Variants in BAZ2B observed in about 807,000 individuals in gnomAD.
The protein encoded by BAZ2B is bromodomain adjacent to zinc finger domain protein 2B.
In BAZ2B, 91 loss-of-function variants were observed where a neutral mutation model predicts 246.0. That is an observed-to-expected ratio of 0.37 (90% CI 0.31 to 0.44). The LOEUF (loss-of-function observed/expected upper bound fraction) is 0.44. Ranked by LOEUF, BAZ2B falls within the 20% of genes least tolerant of loss-of-function variation. BAZ2B has a pLI of 1.00. For missense variants in BAZ2B, 2,332 were observed against 2,533.7 expected, an observed-to-expected ratio of 0.92 and a Z score of 1.71; for synonymous variants, 855 against 860.0, an observed-to-expected ratio of 0.99 and a Z score of 0.10.
At chr2:159,395,950 T>C in intron 19 of BAZ2B, 116 bp from the exon 20 acceptor site, 1 of 838,906 alleles carries the variant, frequency 1.2e-6, no homozygotes, top group Non-Finnish European at 1.8e-6. Context: ...GTTTAGCATT[T>C]ATAGACAAGT....
chr2:159,547,227 T>G (rs2087486198), intron 2 of BAZ2B, among the ~76,000 whole-genome samples: 1 of 152,168 alleles, frequency 6.6e-6, no homozygotes, highest in South Asian at 2.1e-4. Context: ...CTATCTTACA[T>G]TCTGATGCAA....
chr2:159,586,873 T>G (rs1213075039), intron 1 of BAZ2B, among the ~76,000 whole-genome samples: 1 of 152,156 alleles, frequency 6.6e-6, no homozygotes. Context: ...CACTTACAGT[T>G]TGATCTTACA....
intron 1 of BAZ2B, among the ~76,000 whole-genome samples, chr2:159,604,822 AAAT>A (rs1485598176): frequency 6.6e-6 from 1 of 152,238 alleles, no homozygotes; most frequent in African/African-American, 2.4e-5. Flanking sequence ...AAATGTCAAA[AAAT>A]TAAAAATATG....
chr2:159,549,817 T>C (rs536521884), intron 2 of BAZ2B, among the ~76,000 whole-genome samples: 26 of 68,632 alleles, frequency 3.8e-4, no homozygotes, highest in African/African-American at 2.0e-3. Context: ...CATAAACTTT[T>C]TTCTTTCTTT....
intron 1 of BAZ2B, among the ~76,000 whole-genome samples, chr2:159,593,368 G>A (rs1025366193): frequency 2.0e-5 from 3 of 152,058 alleles, no homozygotes; most frequent in African/African-American, 7.2e-5. Flanking sequence ...AAAAATTATG[G>A]AAGACTTTAA....
chr2:159,656,482 T>G, the BAZ2B span, among the ~76,000 whole-genome samples: 1 of 152,174 alleles, frequency 6.6e-6, no homozygotes, highest in African/African-American at 2.4e-5. Flanking sequence ...TACACCCATT[T>G]ATCCCTCTCT....
chr2:159,426,063 G>GT (rs1269934393), intron 13 of BAZ2B, among the ~76,000 whole-genome samples: 1 of 152,108 alleles, frequency 6.6e-6, no homozygotes, highest in African/African-American at 2.4e-5. Flanking sequence ...AATTACGAAT[G>GT]TTTTCCCCTA....
rs1558959778 is a variant in BAZ2B, at chr2:159,328,069, C to CAAAA, written c.5944-2152_5944-2151insTTTT. Among the ~76,000 whole-genome samples the CAAAA allele has an allele frequency of 3.9e-4, 44 of 111,536 alleles. 2 individuals carry two copies. Among genetic ancestry groups the CAAAA allele is most frequent in the East Asian group, 5.1e-4 (2 of 3,894 alleles). The allele number at this position is 111,536 out of a possible 152,430, so 73.2% of individuals were successfully genotyped here. A position where few individuals can be genotyped will look rare whatever the true frequency, so the allele number is the denominator to read the frequency against. On this transcript the variant is annotated intron_variant, in intron 34 of 36. Coordinates refer to ENST00000392783, the MANE Select transcript of BAZ2B (RefSeq NM_013450.4). ...GATGGAATGAGACTCAGCCTCAAAACGAAAAAAAAAAAAAAAAAAAAAGAA... is the reference window on the plus strand; with the variant it reads ...GATGGAATGAGACTCAGCCTCAAAACAAAAGAAAAAAAAAAAAAAAAAAAAAGAA...
chr2:159,676,592 AC>A, the BAZ2B span, among the ~76,000 whole-genome samples: 1 of 149,562 alleles, frequency 6.7e-6, no homozygotes. Flanking sequence ...AGGTGAGAGG[AC>A]TGCCTGAGCC....
chr2:159,667,095 T>A, the BAZ2B span, among the ~76,000 whole-genome samples: 7 of 146,014 alleles, frequency 4.8e-5, no homozygotes, highest in South Asian at 2.1e-4. Context: ...TAAAGTATAA[T>A]AAAAAAAAAG....
rs746177520 is a variant in BAZ2B at position 159,438,573 on chromosome 2, T to A, written c.1023A>T (p.Gln341His). Residue 341 changes from glutamine (Q) to histidine (H), a missense_variant, in exon 8 of 37, where the codon CAA (glutamine) becomes CAT (histidine). This residue lies in a region of BAZ2B where 161 missense variants were observed against 225.8 expected (regional missense o/e 0.71). Transcript: ENST00000392783. ...LASESQTHSF[Q>H]SQQKQPQVLS... is the part of the protein sequence containing the mutation. Reference sequence around the variant, plus strand: ...AAACCTGAGGCTGCTTCTGCTGGGATTGGAATGAGTGAGTCTGGGATTCAG... The same window carrying A: ...AAACCTGAGGCTGCTTCTGCTGGGAATGGAATGAGTGAGTCTGGGATTCAG... 1 of 1,614,146 alleles carries A rather than the reference T, an allele frequency of 6.2e-7. No homozygotes were observed. The highest frequency in any genetic ancestry group is 1.3e-5 in the African/African-American group (1 of 75,046).
intron 4 of BAZ2B, among the ~76,000 whole-genome samples, chr2:159,449,622 T>C (rs1313440383): frequency 6.6e-6 from 1 of 152,188 alleles, no homozygotes; most frequent in African/African-American, 2.4e-5. Flanking sequence ...AGTAGAAAAC[T>C]GCAAAAGCTA....
At chr2:159,408,664 AT>A (rs1379883084) in intron 14 of BAZ2B, among the ~76,000 whole-genome samples, 1 of 152,212 alleles carries the variant, frequency 6.6e-6, no homozygotes, top group Non-Finnish European at 1.5e-5. Flanking sequence ...CACGTCTGTA[AT>A]CCCAGCACTT....
chr2:159,464,154 A>C (rs927678503), intron 3 of BAZ2B: 10 of 152,198 alleles, frequency 6.6e-5, no homozygotes, highest in African/African-American at 2.4e-4. Context: ...CCAAACTAAG[A>C]AATTAACCTT....
intron 2 of BAZ2B, among the ~76,000 whole-genome samples, chr2:159,545,135 G>C (rs1485653338): frequency 6.6e-6 from 1 of 152,126 alleles, no homozygotes; most frequent in African/African-American, 2.4e-5. Flanking sequence ...GTAACTTTAG[G>C]CAATAGCCCA....
intron 27 of BAZ2B, among the ~76,000 whole-genome samples, chr2:159,371,367 C>G (rs2060828735): frequency 6.6e-6 from 1 of 152,040 alleles, no homozygotes; most frequent in Non-Finnish European, 1.5e-5. Flanking sequence ...TGGTCTCAAG[C>G]TCCTGGCCTC....
At chr2:159,629,761 T>A in the BAZ2B span, among the ~76,000 whole-genome samples, 1 of 152,030 alleles carries the variant, frequency 6.6e-6, no homozygotes, top group African/African-American at 2.4e-5. Context: ...CACCATGGCA[T>A]TTGTATACCT....
chr2:159,347,189 A>G (rs1041812977), intron 31 of BAZ2B, among the ~76,000 whole-genome samples: 60 of 152,178 alleles, frequency 3.9e-4, no homozygotes, highest in Non-Finnish European at 8.2e-4. Flanking sequence ...TGCGCATCGG[A>G]AATAATACCT....
intron 6 of BAZ2B, among the ~76,000 whole-genome samples, chr2:159,441,956 T>A (rs2073482032): frequency 6.6e-6 from 1 of 152,196 alleles, no homozygotes; most frequent in Non-Finnish European, 1.5e-5. Context: ...CAAATACATA[T>A]TCAAGGCTAT....
Sources: gnomAD v4.1 joint callset for allele counts (sites outside exome capture counted in the v4.1 genomes callset) on GRCh38, gnomAD v4.1.1 for gene constraint, gnomAD v4.1.1 regional missense constraint, MANE v1.5 for transcripts, NCBI Gene and HGNC (gene_info 2026-07-23, HGNC 2026-07-21) for gene names.